BNC2: variants seen among roughly 807,000 people sequenced by gnomAD.
BNC2 encodes the protein basonuclin zinc finger protein 2.
A neutral mutation model predicts 76.3 loss-of-function variants in BNC2; 20 were observed. That is an observed-to-expected ratio of 0.26 (90% CI 0.18 to 0.38). The LOEUF is 0.38. Among genes scored for constraint, BNC2 ranks in the 10% least tolerant of loss-of-function variants. BNC2 has a pLI of 1.00. For missense variants in BNC2, 1,382 were observed against 1,399.8 expected (o/e 0.99, Z 0.20); for synonymous variants, 582 against 514.8 (o/e 1.13, Z -1.77).
intron 1 of BNC2, among the ~76,000 whole-genome samples, chr9:16,765,035 G>T (rs1002655125): frequency 1.3e-5 from 2 of 152,134 alleles, no homozygotes; most frequent in African/African-American, 4.8e-5. Flanking sequence ...CTTCCATCTT[G>T]GCTCTTGGTT....
At chr9:16,492,506 GGAATTTT>G (rs1373370383) in intron 5 of BNC2, among the ~76,000 whole-genome samples, 3 of 152,152 alleles carry the variant, frequency 2.0e-5, no homozygotes, top group Non-Finnish European at 4.4e-5. Flanking sequence ...GAAAACAGGA[GGAATTTT>G]CTACTGCATA....
chr9:16,850,190 A>T (rs1280978124), intron 1 of BNC2, among the ~76,000 whole-genome samples: 1 of 152,200 alleles, frequency 6.6e-6, no homozygotes, highest in Non-Finnish European at 1.5e-5. Flanking sequence ...AGGCTCCAAA[A>T]TTTTACTTAG....
chr9:16,572,005 C>T (rs1819338587), intron 4 of BNC2, among the ~76,000 whole-genome samples: 1 of 151,906 alleles, frequency 6.6e-6, no homozygotes, highest in African/African-American at 2.4e-5. Context: ...CAGGTGTTTT[C>T]TTTTATGTTA....
intron 1 of BNC2, among the ~76,000 whole-genome samples, chr9:16,805,930 A>C (rs544572382): frequency 6.6e-6 from 1 of 152,320 alleles, no homozygotes; most frequent in African/African-American, 2.4e-5. Context: ...TTAGTGTAAC[A>C]GTATATTTTG....
At chr9:16,827,476 G>C (rs563452284) in intron 1 of BNC2, among the ~76,000 whole-genome samples, 54 of 152,292 alleles carry the variant, frequency 3.5e-4, no homozygotes, top group African/African-American at 1.3e-3. Context: ...TTGCTTGGGT[G>C]AGTCCAGCTC....
rs770042915 is a variant in BNC2 at position 16,727,820 on chromosome 9, G to A, written c.307C>T (p.Leu103Phe). The change falls in exon 3 of 7, where the codon CTC (leucine) becomes TTC (phenylalanine). Residue 103 changes from leucine to phenylalanine, a missense_variant. Physicochemically the swap from Leu to Phe is conservative, Grantham distance 22. This residue lies in a region of BNC2 where 557 missense variants were observed against 540.9 expected (regional missense o/e 1.03). Transcript: ENST00000380672. Reference protein sequence around the residue: ...MGTWQNADTNLLFRMSQQAIR... With the variant: ...MGTWQNADTNFLFRMSQQAIR... ...ACCTGTTGGGACATTCTGAATAAGA[G>A]GTTAGTATCAGCGTTTTGCCATGTC... The A allele has an allele frequency of 6.2e-7, 1 of 1,614,108 alleles. No homozygotes were observed. Among genetic ancestry groups the A allele is most frequent in the South Asian group, 1.1e-5 (1 of 91,078 alleles).
chr9:16,790,068 C>T (rs953600413), intron 1 of BNC2, among the ~76,000 whole-genome samples: 3 of 152,180 alleles, frequency 2.0e-5, no homozygotes, highest in African/African-American at 7.2e-5. Flanking sequence ...GGCGCGATCT[C>T]GGCTCACTGC....
rs527719339 is a variant in BNC2 at position 16,483,224 on chromosome 9, C to T, written c.670-45700G>A. On this transcript the variant is annotated intron_variant, in intron 5 of 6. Transcript: ENST00000380672. ...AAAATGAAAAGTATATTCTCTACCA[C>T]CTTGGCCACTGAAAAAGACACTGCT... Among the ~76,000 whole-genome samples the T allele has an allele frequency of 2.0e-4, 31 of 152,324 alleles. 1 individual carries two copies. The East Asian group carries it at 4.2e-3, about 21-fold the overall frequency.
At chr9:16,532,547 T>G (rs1818014836) in intron 5 of BNC2, among the ~76,000 whole-genome samples, 1 of 152,194 alleles carries the variant, frequency 6.6e-6, no homozygotes, top group Admixed American at 6.5e-5. Flanking sequence ...CATGCCAGCC[T>G]ATGAGAGCTG....
At chr9:16,644,894 T>C (rs1438732485) in intron 3 of BNC2, among the ~76,000 whole-genome samples, 1 of 152,212 alleles carries the variant, frequency 6.6e-6, no homozygotes. Flanking sequence ...TCTCTTTCAA[T>C]TCAAAGTTTG....
intron 1 of BNC2, among the ~76,000 whole-genome samples, chr9:16,759,122 G>T (rs1280446669): frequency 6.6e-6 from 1 of 152,110 alleles, no homozygotes; most frequent in Non-Finnish European, 1.5e-5. Flanking sequence ...CCAACGTACA[G>T]AAATGGATTA....
intron 3 of BNC2, among the ~76,000 whole-genome samples, chr9:16,693,961 C>T (rs1271393029): frequency 2.6e-5 from 4 of 152,158 alleles, no homozygotes; most frequent in African/African-American, 7.2e-5. Context: ...TATCTTTCCG[C>T]GGCAATCAAG....
At chr9:16,635,091 G>A (rs1163415107) in intron 3 of BNC2, among the ~76,000 whole-genome samples, 1 of 152,154 alleles carries the variant, frequency 6.6e-6, no homozygotes, top group Non-Finnish European at 1.5e-5. Context: ...GGTATCTTTT[G>A]CAGTTTCTCT....
At chr9:16,665,470 G>C (rs577083585) in intron 3 of BNC2, among the ~76,000 whole-genome samples, 1 of 143,094 alleles carries the variant, frequency 7.0e-6, no homozygotes, top group African/African-American at 2.6e-5. Flanking sequence ...AAGAAAGAAA[G>C]AAAGAAAGAA....
intron 5 of BNC2, among the ~76,000 whole-genome samples, chr9:16,443,632 G>A (rs1165914779): frequency 6.6e-6 from 1 of 152,040 alleles, no homozygotes; most frequent in East Asian, 1.9e-4. Context: ...AAGAAATTGT[G>A]AGATATCTAT....
chr9:16,435,057 A>G (rs1226341910), intron 6 of BNC2: 1 of 471,522 alleles, frequency 2.1e-6, no homozygotes, highest in East Asian at 6.9e-5. Flanking sequence ...GGCTGTCTCG[A>G]TGTCCTGGAC....
chr9:16,511,402 T>C (rs1822751935), intron 5 of BNC2, among the ~76,000 whole-genome samples: 1 of 148,562 alleles, frequency 6.7e-6, no homozygotes, highest in African/African-American at 2.5e-5. Context: ...TGAGCCACCA[T>C]GCCTGGCAAT....
chr9:16,529,963 C>G (rs923306377), intron 5 of BNC2, among the ~76,000 whole-genome samples: 1 of 152,116 alleles, frequency 6.6e-6, no homozygotes, highest in African/African-American at 2.4e-5. Flanking sequence ...ATTCTTCTGC[C>G]TCAGCTTCTG....
chr9:16,501,628 A>G (rs146560245), intron 5 of BNC2, among the ~76,000 whole-genome samples: 4 of 152,284 alleles, frequency 2.6e-5, no homozygotes, highest in African/African-American at 9.6e-5. Flanking sequence ...AACATAGAGT[A>G]TTTCTCTACA....
Sources: allele counts gnomAD v4.1 joint callset (sites outside exome capture counted in the v4.1 genomes callset), GRCh38; gene constraint gnomAD v4.1.1; regional missense constraint gnomAD v4.1.1; transcripts MANE v1.5; gene names NCBI Gene and HGNC (gene_info 2026-07-23, HGNC 2026-07-21).